Variants in MUC5B observed in about 807,000 individuals in gnomAD.
MUC5B encodes the protein mucin 5B, oligomeric mucus/gel-forming.
MUC5B carries 116 observed loss-of-function variants against 376.9 expected under a neutral mutation model. The observed-to-expected ratio is 0.31, with a 90% CI of 0.26 to 0.36. The LOEUF (loss-of-function observed/expected upper bound fraction) is 0.36, where lower values mean the gene tolerates loss of function less well. Among genes scored for constraint, MUC5B ranks in the 10% least tolerant of loss-of-function variants. The probability of loss-of-function intolerance (pLI) is 1.00; values close to 1 mark genes in which losing one functional copy is unlikely to be tolerated. For synonymous variants in MUC5B, 3,517 were observed against 3,390.9 expected (o/e 1.04, Z -1.29); for missense variants, 7,165 against 7,769.9 (o/e 0.92, Z 2.93).
chr11:1,227,962 C>G (rs1017865669), intron 7 of MUC5B, among the ~76,000 whole-genome samples, 181 bp downstream of exon 7: 1 of 152,220 alleles, frequency 6.6e-6, no homozygotes, highest in Non-Finnish European at 1.5e-5. Flanking sequence ...TGGTGACGTG[C>G]GTGTTCATCA....
intron 2 of MUC5B, 65 bp from the exon 3 acceptor site, chr11:1,226,140 C>T (rs1027598372): frequency 3.8e-5 from 56 of 1,472,894 alleles, no homozygotes; most frequent in South Asian, 2.0e-4. Context: ...GGGTGGGCCC[C>T]GGGGAGGGTG....
chr11:1,234,574 G>A lies in MUC5B; in HGVS notation c.2524G>A (p.Val842Met). The A allele has an allele frequency of 4.4e-6, 7 of 1,580,270 alleles. No individual in the cohort carries two copies. The highest frequency in any genetic ancestry group is 1.2e-5 in the South Asian group (1 of 85,996). Residue 842 changes from valine (V) to methionine (M), a missense_variant, in exon 21 of 49, where the codon GTG becomes ATG. Physicochemically the swap from Val to Met is conservative, Grantham distance 21 (BLOSUM62 1). Around this residue, in one of 31 missense-constraint regions of MUC5B, gnomAD observed 530 missense variants for 604.0 expected, o/e 0.88. Coordinates refer to ENST00000529681, the MANE Select transcript of MUC5B (RefSeq NM_002458.3). This position sits in a 1 kb window ranked among gnomAD's most constrained non-coding sequence, Gnocchi z 6.3. ...CGGCTGTGTCTGTCCCCCGGGGCTG[G>A]TGTCGGATGGGAGTGGGGGCTGCAT... is the stretch of plus-strand genomic sequence containing the variant. ...VSGCVCPPGLVSDGSGGCIAE... is the reference protein window; with the variant it reads ...VSGCVCPPGLMSDGSGGCIAE...
intron 47 of MUC5B, 63 bp from the exon 48 acceptor site, chr11:1,260,563 G>A (rs1862971462): frequency 2.6e-6 from 4 of 1,518,142 alleles, no homozygotes; most frequent in Middle Eastern, 1.7e-4. Context: ...GGTCGGCCCA[G>A]CAAGTCCAGG....
rs1564940763 is a variant in MUC5B at position 1,243,508 on chromosome 11, G to C, written c.6628G>C (p.Val2210Leu). Residue 2210 changes from valine (V) to leucine (L), a missense_variant, in exon 31 of 49, where the codon GTG becomes CTG. Physicochemically the swap from Val to Leu is conservative, Grantham distance 32. Coordinates refer to ENST00000529681, the MANE Select transcript of MUC5B (RefSeq NM_002458.3). The part of the protein sequence containing the change: ...RSLPPSSPHT[V>L]RTAWTSATSG... The stretch of plus-strand genomic sequence containing the variant: ...CCTGCCCCCCAGCAGTCCCCACACG[G>C]TGCGCACAGCCTGGACTTCGGCCAC... The C allele has an allele frequency of 6.3e-7, 1 of 1,595,156 alleles. No homozygotes were observed. Among genetic ancestry groups the C allele is most frequent in the Non-Finnish European group, 8.5e-7 (1 of 1,172,828 alleles).
At chr11:1,236,693 G>A (rs1357393086) in intron 24 of MUC5B, 131 bp downstream of exon 24, 7 of 1,145,822 alleles carry the variant, frequency 6.1e-6, no homozygotes, top group Non-Finnish European at 8.5e-6. Context: ...GGCCCTGCCT[G>A]TGGCCTCCAC....
intron 48 of MUC5B, among the ~76,000 whole-genome samples, 188 bp from the exon 49 acceptor site, chr11:1,261,201 G>C (rs1862987360): frequency 6.6e-6 from 1 of 152,206 alleles, no homozygotes; most frequent in Non-Finnish European, 1.5e-5. Flanking sequence ...GGGAGCCAAG[G>C]GACCCTGGGG....
At chr11:1,254,944 T>C (rs1173405092) in intron 35 of MUC5B, 64 bp downstream of exon 35, 15 of 1,144,322 alleles carry the variant, frequency 1.3e-5, no homozygotes, top group African/African-American at 8.5e-5. Flanking sequence ...CCAGTGAGCA[T>C]AGGGGAAGCC....
At position 1,226,241 on chromosome 11, in the gene MUC5B, T is replaced by G; in HGVS notation, c.164T>G (p.Phe55Cys). The G allele has an allele frequency of 6.4e-7, 1 of 1,557,184 alleles. No individual in the cohort carries two copies. The highest frequency in any genetic ancestry group is 8.7e-7 in the Non-Finnish European group (1 of 1,152,216). Residue 55 changes from phenylalanine (F) to cysteine (C), a missense_variant, in exon 3 of 49, where the codon TTT becomes TGT. Phe to Cys is a radical substitution (Grantham distance 205, BLOSUM62 -2). Transcript: ENST00000529681. Reference sequence around the variant, plus strand: ...TCCTCGCCCACCCGGCGCGTGAGCTTTGTTCCACCCGTCACTGTCTTCCCC... The same window carrying G: ...TCCTCGCCCACCCGGCGCGTGAGCTGTGTTCCACCCGTCACTGTCTTCCCC... ...PTSSPTRRVS[F>C]VPPVTVFPSL...
At chr11:1,240,722 C>T in intron 30 of MUC5B, 129 bp from the exon 31 acceptor site, 2 of 882,690 alleles carry the variant, frequency 2.3e-6, no homozygotes, top group Non-Finnish European at 3.4e-6. Context: ...CTGAGGCAGG[C>T]ACTGGGGTCC....
chr11:1,238,224 T>G (rs946724238), intron 25 of MUC5B, among the ~76,000 whole-genome samples: 1 of 152,174 alleles, frequency 6.6e-6, no homozygotes, highest in African/African-American at 2.4e-5. Flanking sequence ...GGAAAGGAAG[T>G]GACCACTCCT....
In MUC5B at chr11:1,247,988, C is replaced by A; in HGVS notation, c.11108C>A (p.Thr3703Asn). ...LTKLTTTATTTESTGSTATPS... is the reference protein window; with the variant it reads ...LTKLTTTATTNESTGSTATPS... ...AAGCTGACCACAACAGCCACTACGA[C>A]TGAGTCCACTGGATCCACGGCCACC... Residue 3703 changes from threonine to asparagine, a missense_variant, in exon 31 of 49, where the codon ACT becomes AAT. Thr to Asn is a moderately conservative substitution (Grantham distance 65, BLOSUM62 0). Transcript: ENST00000529681. 1 of 1,610,536 alleles carries A rather than the reference C, an allele frequency of 6.2e-7. No individual in the cohort carries two copies. Among genetic ancestry groups the A allele is most frequent in the Non-Finnish European group, 8.5e-7 (1 of 1,177,866 alleles).
chr11:1,230,781 C>CCG (rs1564932807), intron 12 of MUC5B, among the ~76,000 whole-genome samples, 155 bp from the exon 13 acceptor site: 1 of 151,740 alleles, frequency 6.6e-6, no homozygotes, highest in Non-Finnish European at 1.5e-5. Flanking sequence ...CAGGTCCTCC[C>CCG]GGGGGGGCAA....
At chr11:1,239,386 CAG>C (rs1274227754) in intron 26 of MUC5B, 50 bp from the exon 27 acceptor site, 1 of 1,565,608 alleles carries the variant, frequency 6.4e-7, no homozygotes, top group Non-Finnish European at 8.7e-7. Context: ...CCCTGCACAA[CAG>C]GGGTGAGGGC....
rs762656427 is a variant in MUC5B, at chr11:1,246,543, C to A, written c.9663C>A (p.Ala3221=). 1 of 1,613,210 alleles carries A rather than the reference C, an allele frequency of 6.2e-7. No homozygotes were observed. The highest frequency in any genetic ancestry group is 8.5e-7 in the Non-Finnish European group (1 of 1,179,612). Reference sequence around the variant, plus strand: ...CCTCCAGTCCAGGGACTGCAACCGCCCTTCCAGCACTGAGAAGCACAGCCA... The same window carrying A: ...CCTCCAGTCCAGGGACTGCAACCGCACTTCCAGCACTGAGAAGCACAGCCA... ...TPSSSPGTAT[A]LPALRSTATT... is the part of the protein sequence containing the mutation. Residue 3221 remains alanine (A), a synonymous_variant, in exon 31 of 49, where the codon GCC becomes GCA. Coordinates refer to ENST00000529681, the MANE Select transcript of MUC5B (RefSeq NM_002458.3).
chr11:1,239,857 C>A lies in MUC5B; in HGVS notation c.3642C>A (p.Cys1214Ter). 6.2e-7 allele frequency: 1 copy of A among 1,613,080 alleles called. No homozygotes were observed. The highest frequency in any genetic ancestry group is 1.3e-5 in the African/African-American group (1 of 75,034). The change falls in exon 28 of 49, where the codon TGC becomes TGA. Residue 1214 changes from cysteine (C) to a stop codon, truncating the protein, a stop_gained. Coordinates refer to ENST00000529681, the MANE Select transcript of MUC5B (RefSeq NM_002458.3). LOFTEE classifies it high-confidence loss of function. Reference sequence around the variant, plus strand: ...TCTTCAATGAGGACCAGATGAAGTGCGTGGCCCAGTGTGGCTGCTACGACA... The same window carrying A: ...TCTTCAATGAGGACCAGATGAAGTGAGTGGCCCAGTGTGGCTGCTACGACA... ...QPFFNEDQMKCVAQCGCYDKD... is the reference protein window; with the variant it reads ...QPFFNEDQMK
At position 1,252,358 on chromosome 11, in the gene MUC5B, A is replaced by G. The variant is rs771375670; in HGVS notation, c.14879A>G (p.Asn4960Ser). ...QFFSPGEVIYNKTDRAGCHFY... is the reference protein window; with the variant it reads ...QFFSPGEVIYSKTDRAGCHFY... ...TTCTTCACAGGGGAAGTCATCTACA[A>G]TAAGACCGACCGAGCCGGCTGCCAT... The change falls in exon 32 of 49, where the codon AAT becomes AGT. Residue 4960 changes from asparagine (N) to serine (S), a missense_variant. This residue lies in a region of MUC5B where 730 missense variants were observed against 592.7 expected (regional missense o/e 1.23). Transcript: ENST00000529681. 3 of 1,568,486 alleles carry G rather than the reference A, an allele frequency of 1.9e-6. No homozygotes were observed. Among genetic ancestry groups the G allele is most frequent in the South Asian group, 2.4e-5 (2 of 84,000 alleles).
intron 45 of MUC5B, 55 bp from the exon 46 acceptor site, chr11:1,259,908 G>A (rs1862953037): frequency 5.6e-6 from 9 of 1,612,136 alleles, no homozygotes; most frequent in Non-Finnish European, 7.6e-6. Context: ...CCCCAATGGG[G>A]CTCTGCACAA....
In MUC5B at chr11:1,248,016, G is replaced by A. The variant is rs369000213; in HGVS notation, c.11136G>A (p.Pro3712=). 1.1e-4 allele frequency: 182 copies of A among 1,605,316 alleles called. 1 individual carries two copies. The African/African-American group carries it at 2.0e-3, about 18-fold the overall frequency. The change falls in exon 31 of 49, where the codon CCG becomes CCA. Residue 3712 remains proline, a synonymous_variant. Coordinates refer to ENST00000529681, the MANE Select transcript of MUC5B (RefSeq NM_002458.3). ...TTESTGSTAT[P]SSTPGTTWIL... Reference sequence around the variant, plus strand: ...AGTCCACTGGATCCACGGCCACCCCGTCCTCCACCCCAGGGACCACCTGGA... The same window carrying A: ...AGTCCACTGGATCCACGGCCACCCCATCCTCCACCCCAGGGACCACCTGGA...
Position 1,234,779 on chromosome 11 carries a change from G to A in MUC5B, c.2630+99G>A. The A allele has an allele frequency of 1.0e-6, 1 of 983,144 alleles. No individual in the cohort carries two copies. Among genetic ancestry groups the A allele is most frequent in the East Asian group, 2.8e-5 (1 of 36,114 alleles). 60.9% of individuals were successfully genotyped at this position (983,144 alleles called of 1,614,324 possible). ...GGGCAGGGAGGGCAGGGGGCGGGGA[G>A]GGCAGGGGGCCAGCTGGCCAGGGTG... On this transcript the variant is annotated intron_variant, in intron 21 of 48. Transcript: ENST00000529681. This position sits in a 1 kb window ranked among gnomAD's most constrained non-coding sequence, Gnocchi z 6.3.
Sources: allele counts gnomAD v4.1 joint callset (sites outside exome capture counted in the v4.1 genomes callset), GRCh38; gene constraint gnomAD v4.1.1; regional missense constraint gnomAD v4.1.1; non-coding constraint Gnocchi (gnomAD v3.1); transcripts MANE v1.5; gene names NCBI Gene and HGNC (gene_info 2026-07-23, HGNC 2026-07-21).